Variants in KIF26B observed in about 807,000 individuals in gnomAD.
KIF26B encodes kinesin-like protein KIF26B.
Under a neutral mutation model 151.2 loss-of-function variants are expected in KIF26B, and 63 were observed. That is an observed-to-expected ratio of 0.42 (90% CI 0.34 to 0.51). The LOEUF is 0.51. Among genes scored for constraint, KIF26B ranks in the 20% least tolerant of loss-of-function variants. KIF26B has a pLI of 0.07. For missense variants in KIF26B, 2,813 were observed against 2,913.6 expected (o/e 0.97, Z 0.79); for synonymous variants, 1,357 against 1,262.1 (o/e 1.08, Z -1.59).
chr1:245,521,425 G>A (rs1016699536), intron 4 of KIF26B, among the ~76,000 whole-genome samples: 4 of 151,944 alleles, frequency 2.6e-5, no homozygotes, highest in African/African-American at 9.7e-5. Context: ...TGAAGAGTCT[G>A]TTAATATAAT....
intron 4 of KIF26B, among the ~76,000 whole-genome samples, chr1:245,430,366 A>G (rs190621102): frequency 2.6e-5 from 4 of 152,272 alleles, no homozygotes; most frequent in African/African-American, 9.6e-5. Flanking sequence ...CTCATTTAAA[A>G]ATCGTACTGG....
At chr1:245,681,841 G>A (rs567304374) in intron 10 of KIF26B, among the ~76,000 whole-genome samples, 39 of 152,326 alleles carry the variant, frequency 2.6e-4, no homozygotes, top group African/African-American at 9.1e-4. Context: ...TTGAAGAAAC[G>A]TATTAAATAA....
chr1:245,345,200 T>C (rs911804265), intron 2 of KIF26B, among the ~76,000 whole-genome samples: 2 of 152,110 alleles, frequency 1.3e-5, no homozygotes, highest in African/African-American at 4.8e-5. Context: ...GTGTTTTCTA[T>C]AATGAAGAGC....
chr1:245,328,499 C>A (rs1390188507), intron 2 of KIF26B, among the ~76,000 whole-genome samples: 2 of 152,114 alleles, frequency 1.3e-5, no homozygotes, highest in Non-Finnish European at 2.9e-5. Context: ...AAACTGAATG[C>A]CTGTGTATTT....
At chr1:245,283,845 G>A (rs1339563849) in intron 2 of KIF26B, among the ~76,000 whole-genome samples, 2 of 152,164 alleles carry the variant, frequency 1.3e-5, no homozygotes, top group African/African-American at 4.8e-5. Context: ...CCACCACCAT[G>A]CCTGGGCAAT....
At chr1:245,470,327 TGAAAA>T (rs1321932471) in intron 4 of KIF26B, among the ~76,000 whole-genome samples, 4 of 152,040 alleles carry the variant, frequency 2.6e-5, no homozygotes, top group Non-Finnish European at 5.9e-5. Context: ...CGGGTGGACA[TGAAAA>T]GAAAGCAGTG....
intron 4 of KIF26B, among the ~76,000 whole-genome samples, chr1:245,460,433 C>T (rs1014415726): frequency 6.6e-6 from 1 of 152,120 alleles, no homozygotes; most frequent in African/African-American, 2.4e-5. Context: ...GTAACACAGC[C>T]ACCCCCATTT....
At chr1:245,427,957 G>T (rs551488636) in intron 4 of KIF26B, among the ~76,000 whole-genome samples, 1 of 152,260 alleles carries the variant, frequency 6.6e-6, no homozygotes, top group South Asian at 2.1e-4. Flanking sequence ...GTAGGAGTGA[G>T]TGGGGCTTAA....
intron 4 of KIF26B, among the ~76,000 whole-genome samples, chr1:245,504,770 G>C (rs1660698553): frequency 6.6e-6 from 1 of 151,936 alleles, no homozygotes; most frequent in African/African-American, 2.4e-5. Context: ...TCTCCTCTTA[G>C]TTAAAATTGT....
At chr1:245,569,661 G>A (rs988362816) in intron 5 of KIF26B, among the ~76,000 whole-genome samples, 2 of 151,384 alleles carry the variant, frequency 1.3e-5, no homozygotes, top group Non-Finnish European at 2.9e-5. Flanking sequence ...ATGTGGTGGT[G>A]CATGCCTGTA....
intron 2 of KIF26B, among the ~76,000 whole-genome samples, chr1:245,337,519 TGTGTG>T (rs924812386): frequency 1.3e-3 from 3 of 2,354 alleles, no homozygotes; most frequent in Non-Finnish European, 2.3e-3. Flanking sequence ...ACTTAGGAAA[TGTGTG>T]TGTGTGTGTG....
intron 4 of KIF26B, among the ~76,000 whole-genome samples, chr1:245,458,573 T>G (rs2103056506): frequency 6.6e-6 from 1 of 152,340 alleles, no homozygotes; most frequent in South Asian, 2.1e-4. Flanking sequence ...TTCATGTGCT[T>G]TTAATTTCTT....
rs149531052 is a variant in KIF26B, at chr1:245,602,171, C to T, written c.1351-406C>T. On this transcript the variant is annotated intron_variant, in intron 5 of 14. Coordinates refer to ENST00000407071, the MANE Select transcript of KIF26B (RefSeq NM_018012.4). This position sits in a 1 kb window ranked among gnomAD's most constrained non-coding sequence, Gnocchi z 4.5. ...ATGAGCTGAGCCAAGGAGTAAATTA[C>T]GGAGCTAACTTTTATGTGCATGGTT... 2.6e-3 allele frequency among the ~76,000 whole-genome samples: 403 copies of T among 152,246 alleles called. 3 individuals are homozygous for T. The highest frequency in any genetic ancestry group is 9.2e-3 in the African/African-American group (384 of 41,542).
chr1:245,451,924 A>G (rs1050548167), intron 4 of KIF26B, among the ~76,000 whole-genome samples: 2 of 152,074 alleles, frequency 1.3e-5, no homozygotes, highest in Admixed American at 6.6e-5. Context: ...TAAAAAAATT[A>G]TTTACTGTGG....
intron 4 of KIF26B, among the ~76,000 whole-genome samples, chr1:245,499,392 A>G (rs914028137): frequency 1.3e-5 from 2 of 152,224 alleles, no homozygotes; most frequent in Non-Finnish European, 2.9e-5. Flanking sequence ...CCAAGGCTAC[A>G]TGGTGAGTCT....
Position 245,687,695 on chromosome 1 carries a change from C to T in KIF26B, c.4712C>T (p.Pro1571Leu). The change falls in exon 12 of 15, where the codon CCG becomes CTG. Residue 1571 changes from proline (P) to leucine (L), a missense_variant. Physicochemically the swap from Pro to Leu is moderately conservative, Grantham distance 98. This residue lies in a region of KIF26B where 2,060 missense variants were observed against 2,088.6 expected (regional missense o/e 0.99). Coordinates refer to ENST00000407071, the MANE Select transcript of KIF26B (RefSeq NM_018012.4). The surrounding 1 kb of genome is among the most constrained non-coding windows in gnomAD (Gnocchi z 4.9). Reference protein sequence around the residue: ...TNGVGAASGTPPSKATLEGKV... With the variant: ...TNGVGAASGTLPSKATLEGKV... ...GGGGTGGGTGCAGCCTCGGGCACCC[C>T]GCCCTCCAAGGCTACCCTGGAGGGG... 6.3e-7 allele frequency: 1 copy of T among 1,582,344 alleles called. No homozygotes were observed. Among genetic ancestry groups the T allele is most frequent in the Non-Finnish European group, 8.6e-7 (1 of 1,164,564 alleles).
intron 4 of KIF26B, among the ~76,000 whole-genome samples, chr1:245,426,525 A>G (rs989831081): frequency 3.9e-5 from 6 of 152,118 alleles, no homozygotes; most frequent in African/African-American, 1.4e-4. Context: ...CTTGTGTGGT[A>G]TCTTCCATCG....
chr1:245,698,780 C>G lies in KIF26B; in HGVS notation c.6028-107C>G. ...GGGGATGACCCATGTCCCTCCCACACGTCTCCAAGCCCAGCCTGTTTTCCA... is the reference window on the plus strand; with the variant it reads ...GGGGATGACCCATGTCCCTCCCACAGGTCTCCAAGCCCAGCCTGTTTTCCA... On this transcript the variant is annotated intron_variant, in intron 13 of 14. Transcript: ENST00000407071. This position sits in a 1 kb window ranked among gnomAD's most constrained non-coding sequence, Gnocchi z 4.0. 7.2e-7 allele frequency: 1 copy of G among 1,381,932 alleles called. No homozygotes were observed. Among genetic ancestry groups the G allele is most frequent in the Non-Finnish European group, 9.8e-7 (1 of 1,016,688 alleles). 85.6% of individuals were successfully genotyped at this position (1,381,932 alleles called of 1,614,324 possible). A position where few individuals can be genotyped will look rare whatever the true frequency, so the allele number is the denominator to read the frequency against.
chr1:245,511,351 T>C (rs1227665845), intron 4 of KIF26B, among the ~76,000 whole-genome samples: 1 of 152,136 alleles, frequency 6.6e-6, no homozygotes, highest in African/African-American at 2.4e-5. Context: ...ACTACCGACA[T>C]AGAAGCTACA....
Sources: allele counts gnomAD v4.1 joint callset (sites outside exome capture counted in the v4.1 genomes callset), GRCh38; gene constraint gnomAD v4.1.1; regional missense constraint gnomAD v4.1.1; non-coding constraint Gnocchi (gnomAD v3.1); transcripts MANE v1.5; gene names NCBI Gene and HGNC (gene_info 2026-07-23, HGNC 2026-07-21).